CAPZB: variants seen among roughly 807,000 people sequenced by gnomAD.
The protein encoded by CAPZB is F-actin-capping protein subunit beta.
A neutral mutation model predicts 38.1 loss-of-function variants in CAPZB; 2 were observed. The observed-to-expected ratio is 0.05, with a 90% CI of 0.02 to 0.17. The LOEUF (loss-of-function observed/expected upper bound fraction) is 0.17, where lower values mean the gene tolerates loss of function less well. Among genes scored for constraint, CAPZB ranks in the 10% least tolerant of loss-of-function variants. CAPZB has a pLI of 1.00. For synonymous variants in CAPZB, 107 were observed against 127.4 expected (o/e 0.84, Z 1.08); for missense variants, 161 against 334.2 (o/e 0.48, Z 4.04).
chr1:19,373,223 C>T (rs188216265), intron 4 of CAPZB, among the ~76,000 whole-genome samples: 2 of 152,190 alleles, frequency 1.3e-5, no homozygotes, highest in African/African-American at 2.4e-5. Context: ...GCCGTGAGGA[C>T]ACACGGCTCA....
rs548355413 is a variant in CAPZB at position 19,421,203 on chromosome 1, C to A, written c.4-1453G>T. ...ACACAAAGTAATCCTCAAAATGCCA[C>A]ATTTGGCCTTAACGAAATATAACTT... On this transcript the variant is annotated intron_variant, in intron 1 of 8. Coordinates refer to ENST00000264202, the MANE Select transcript of CAPZB (RefSeq NM_004930.5). 4.6e-5 allele frequency among the ~76,000 whole-genome samples: 7 copies of A among 152,340 alleles called. No individual in the cohort carries two copies. In the East Asian group the frequency reaches 1.3e-3, roughly 29 times the overall value.
At chr1:19,480,680 A>C (rs1055754218) in intron 1 of CAPZB, among the ~76,000 whole-genome samples, 3 of 152,224 alleles carry the variant, frequency 2.0e-5, no homozygotes. Context: ...CCACTGGCAC[A>C]AACAAGGAAT....
At chr1:19,372,954 C>T (rs1196745893) in intron 4 of CAPZB, among the ~76,000 whole-genome samples, 1 of 152,108 alleles carries the variant, frequency 6.6e-6, no homozygotes, top group Non-Finnish European at 1.5e-5. Flanking sequence ...GCAGATAATA[C>T]CCTCACCTGG....
intron 2 of CAPZB, among the ~76,000 whole-genome samples, chr1:19,393,509 C>A (rs1167869350): frequency 6.6e-6 from 1 of 152,234 alleles, no homozygotes; most frequent in Non-Finnish European, 1.5e-5. Context: ...AGCTGCTGGC[C>A]CCGGCTGTCC....
chr1:19,397,491 A>G (rs1004389081), intron 2 of CAPZB, among the ~76,000 whole-genome samples: 6 of 152,214 alleles, frequency 3.9e-5, no homozygotes, highest in Admixed American at 3.9e-4. Context: ...CGGACTCTAG[A>G]ATGACACCTG....
intron 6 of CAPZB, among the ~76,000 whole-genome samples, chr1:19,348,168 G>A (rs1158162551): frequency 2.0e-5 from 3 of 152,118 alleles, no homozygotes; most frequent in Non-Finnish European, 4.4e-5. Context: ...CACTGCAGCT[G>A]CCAGTTTCCA....
At chr1:19,371,316 G>T (rs914054095) in intron 4 of CAPZB, among the ~76,000 whole-genome samples, 3 of 152,220 alleles carry the variant, frequency 2.0e-5, no homozygotes, top group East Asian at 1.9e-4. Flanking sequence ...CGCACAGAAT[G>T]TAAGATGCAG....
In CAPZB at chr1:19,357,280, A is replaced by G; in HGVS notation, c.471+142T>C. On this transcript the variant is annotated intron_variant, in intron 5 of 8. Coordinates refer to ENST00000264202, the MANE Select transcript of CAPZB (RefSeq NM_004930.5). The surrounding 1 kb of genome is among the most constrained non-coding windows in gnomAD (Gnocchi z 4.3). ...ACTACTGCAGACTTATCTTTATCCA[A>G]ATGGCTTTGAGGCATTTCTCAGAAT... 1.4e-6 allele frequency: 1 copy of G among 709,566 alleles called. No individual in the cohort carries two copies. Among genetic ancestry groups the G allele is most frequent in the Non-Finnish European group, 2.4e-6 (1 of 412,152 alleles). The allele number at this position is 709,566 out of a possible 1,614,324, so 44.0% of individuals were successfully genotyped here.
intron 8 of CAPZB, among the ~76,000 whole-genome samples, chr1:19,343,895 C>T (rs574268483): frequency 3.3e-5 from 5 of 152,264 alleles, no homozygotes; most frequent in African/African-American, 7.2e-5. Flanking sequence ...CTGCATGTGG[C>T]GTCAGGGAGG....
chr1:19,370,290 G>A (rs779066062), intron 4 of CAPZB, among the ~76,000 whole-genome samples: 7 of 152,220 alleles, frequency 4.6e-5, no homozygotes, highest in Non-Finnish European at 1.0e-4. Context: ...CAGACCACCC[G>A]AGGCTCCATA....
intron 6 of CAPZB, among the ~76,000 whole-genome samples, chr1:19,350,883 T>G (rs1298991446): frequency 6.6e-6 from 1 of 152,036 alleles, no homozygotes; most frequent in African/African-American, 2.4e-5. Context: ...CTCCCAGTGT[T>G]GGGATTACAG....
At chr1:19,459,173 G>A (rs1191950203) in intron 1 of CAPZB, among the ~76,000 whole-genome samples, 1 of 152,196 alleles carries the variant, frequency 6.6e-6, no homozygotes. Flanking sequence ...GCTGGCCTGA[G>A]GACAAGGCTA....
At chr1:19,419,919 C>A (rs1442148396) in intron 1 of CAPZB, 169 bp from the exon 2 acceptor site, 3 of 568,090 alleles carry the variant, frequency 5.3e-6, no homozygotes, top group Non-Finnish European at 9.4e-6. Flanking sequence ...GGCGACTGTG[C>A]AGGCTGTTTG....
chr1:19,477,945 C>G (rs1243036042), intron 1 of CAPZB, among the ~76,000 whole-genome samples: 1 of 152,174 alleles, frequency 6.6e-6, no homozygotes. Flanking sequence ...AATCCACTTA[C>G]TAGGGCTCTG....
intron 1 of CAPZB, among the ~76,000 whole-genome samples, chr1:19,476,379 C>T (rs1278039150): frequency 6.6e-6 from 1 of 152,014 alleles, no homozygotes; most frequent in East Asian, 1.9e-4. Flanking sequence ...TGGAACCATG[C>T]ACTCCAGCCT....
chr1:19,366,172 C>A (rs1352372123), intron 4 of CAPZB, among the ~76,000 whole-genome samples: 1 of 151,746 alleles, frequency 6.6e-6, no homozygotes, highest in Non-Finnish European at 1.5e-5. Flanking sequence ...TTAGGTCAGG[C>A]ATGGTGGCTC....
chr1:19,416,133 G>A (rs1011545454), intron 2 of CAPZB, among the ~76,000 whole-genome samples: 5 of 152,360 alleles, frequency 3.3e-5, no homozygotes, highest in African/African-American at 9.6e-5. Flanking sequence ...GCCTGGTTCC[G>A]AGAAGGGTTT....
chr1:19,429,689 AG>A (rs2094435942), intron 1 of CAPZB, among the ~76,000 whole-genome samples: 1 of 152,174 alleles, frequency 6.6e-6, no homozygotes, highest in Non-Finnish European at 1.5e-5. Flanking sequence ...AACATTTTTT[AG>A]GTGCTAGAGG....
chr1:19,465,096 C>A, intron 1 of CAPZB, among the ~76,000 whole-genome samples: 1 of 152,084 alleles, frequency 6.6e-6, no homozygotes. Context: ...CTGTGGTTGG[C>A]AGGGGAGAGT....
Sources: allele counts gnomAD v4.1 joint callset (sites outside exome capture counted in the v4.1 genomes callset), GRCh38; gene constraint gnomAD v4.1.1; non-coding constraint Gnocchi (gnomAD v3.1); transcripts MANE v1.5; gene names NCBI Gene and HGNC (gene_info 2026-07-23, HGNC 2026-07-21).